The following SEC24B variants were observed in gnomAD, a reference collection of about 807,000 sequenced individuals.
SEC24B encodes SEC24 homolog B, COPII component, also known as protein transport protein Sec24B.
In SEC24B, 45 loss-of-function variants were observed where a neutral mutation model predicts 142.8. The observed-to-expected ratio is 0.32, with a 90% CI of 0.25 to 0.40. SEC24B has a LOEUF of 0.40. Among genes scored for constraint, SEC24B ranks in the 10% least tolerant of loss-of-function variants. SEC24B has a pLI of 1.00. For synonymous variants in SEC24B, 574 were observed against 568.2 expected (o/e 1.01, Z -0.15); for missense variants, 1,409 against 1,526.8 (o/e 0.92, Z 1.29).
At chr4:109,441,269 A>G (rs1728903300) in intron 1 of SEC24B, among the ~76,000 whole-genome samples, 2 of 152,140 alleles carry the variant, frequency 1.3e-5, no homozygotes, top group Admixed American at 6.5e-5. Context: ...CTCCTTACCA[A>G]CGATTTGAAT....
At chr4:109,515,276 A>G (rs1214253883) in intron 10 of SEC24B, among the ~76,000 whole-genome samples, 3 of 151,684 alleles carry the variant, frequency 2.0e-5, no homozygotes, top group Non-Finnish European at 2.9e-5. Flanking sequence ...AATTTTTTGT[A>G]TTTTTAAGTA....
intron 4 of SEC24B, among the ~76,000 whole-genome samples, chr4:109,489,623 A>AATATATATGGTATATATATG (rs976539096): frequency 2.5e-4 from 37 of 146,498 alleles, no homozygotes; most frequent in Non-Finnish European, 4.6e-4. Context: ...TATATATTAT[A>AATATATATGGTATATATATG]ATATATATGG....
rs552120145 is a variant in SEC24B, at chr4:109,464,679, T to G, written c.877+1035T>G. Among the ~76,000 whole-genome samples, 3 of 152,316 alleles carry G rather than the reference T, an allele frequency of 2.0e-5. No homozygotes were observed. The East Asian group carries it at 5.8e-4, about 29-fold the overall frequency. On this transcript the variant is annotated intron_variant, in intron 2 of 23. Transcript: ENST00000265175. ...TGTGGTAACTTTTGGAATGATGCCT[T>G]TAGATTGTGTATCATTATCTGGATA...
intron 1 of SEC24B, among the ~76,000 whole-genome samples, chr4:109,452,593 C>T (rs376140769): frequency 1.1e-4 from 17 of 152,288 alleles, no homozygotes; most frequent in East Asian, 3.9e-4. Context: ...TTGATATTTT[C>T]GGTTTTTGAT....
In SEC24B at chr4:109,513,791, G is replaced by A. The variant is rs761462148; in HGVS notation, c.1948G>A (p.Glu650Lys). The change falls in exon 10 of 24, where the codon GAG becomes AAG. Residue 650 changes from glutamate to lysine, a missense_variant. Glu to Lys is a moderately conservative substitution (Grantham distance 56, BLOSUM62 1). Around this residue, in one of 2 missense-constraint regions of SEC24B, gnomAD observed 700 missense variants for 853.3 expected, o/e 0.82. Coordinates refer to ENST00000265175, the MANE Select transcript of SEC24B (RefSeq NM_006323.5). ...MYNPLTRSYG[E>K]PHKRPEVQNS... ...TAACCCCCTTACCCGATCTTATGGA[G>A]AGCCTCATAAACGACCAGAAGTTCA... 1.2e-5 allele frequency: 20 copies of A among 1,613,208 alleles called. No individual in the cohort carries two copies. The highest frequency in any genetic ancestry group is 1.5e-5 in the Non-Finnish European group (18 of 1,179,424).
chr4:109,448,903 G>A (rs1729756674), intron 1 of SEC24B, among the ~76,000 whole-genome samples: 1 of 150,654 alleles, frequency 6.6e-6, no homozygotes, highest in African/African-American at 2.4e-5. Context: ...TGTCTCATTA[G>A]CCTGTAGTCT....
intron 1 of SEC24B, among the ~76,000 whole-genome samples, chr4:109,462,533 A>C (rs1371116463): frequency 6.6e-6 from 1 of 152,148 alleles, no homozygotes; most frequent in African/African-American, 2.4e-5. Context: ...GGGCTTCTTC[A>C]TAGGGCTGTT....
intron 6 of SEC24B, among the ~76,000 whole-genome samples, chr4:109,499,639 A>C (rs6841198): frequency 0.31 from 46,940 of 152,150 alleles, 12,101 homozygotes; most frequent in African/African-American, 0.71. Context: ...ATTCCTGTCA[A>C]CTATTGACTT....
At chr4:109,520,687 G>A (rs1723509818) in intron 12 of SEC24B, among the ~76,000 whole-genome samples, 1 of 152,140 alleles carries the variant, frequency 6.6e-6, no homozygotes, top group Non-Finnish European at 1.5e-5. Context: ...TATACAGAGT[G>A]TGTATATTTA....
At position 109,532,662 on chromosome 4, in the gene SEC24B, G is replaced by A; in HGVS notation, c.3414G>A (p.Arg1138=). The stretch of plus-strand genomic sequence containing the variant: ...AGGGTGCAGTACATGTTAATGACAG[G>A]ATTGTACCACAGCCACCTCTTCAAA... ...TDEGAVHVND[R]IVPQPPLQKL... Residue 1138 remains arginine (R), a synonymous_variant, in exon 21 of 24, where the codon AGG becomes AGA. Coordinates refer to ENST00000265175, the MANE Select transcript of SEC24B (RefSeq NM_006323.5). The A allele has an allele frequency of 6.2e-7, 1 of 1,613,484 alleles. No homozygotes were observed. Among genetic ancestry groups the A allele is most frequent in the Non-Finnish European group, 8.5e-7 (1 of 1,179,494 alleles).
chr4:109,524,712 C>A, intron 14 of SEC24B, 106 bp from the exon 15 acceptor site: 1 of 977,760 alleles, frequency 1.0e-6, no homozygotes, highest in Admixed American at 2.7e-5. Flanking sequence ...ATTTAGAAAA[C>A]TCTTAGTTTG....
chr4:109,494,689 C>CCAGCTT lies in SEC24B; in HGVS notation c.1327_1332dup (p.Ser443_Ala444dup), dbSNP rs1561134009. 3.7e-6 allele frequency: 6 copies of CCAGCTT among 1,613,848 alleles called. No homozygotes were observed. Among genetic ancestry groups the CCAGCTT allele is most frequent in the Middle Eastern group, 1.6e-4 (1 of 6,084 alleles). On this transcript the variant is annotated inframe_insertion, in exon 6 of 24. Coordinates refer to ENST00000265175, the MANE Select transcript of SEC24B (RefSeq NM_006323.5). The stretch of plus-strand genomic sequence containing the variant: ...ACCTGATCCTGCTTCTGCTCCAGCT[C>CCAGCTT]CAGCTTCAGCTCCAGCTCCTGTCGT...
At chr4:109,472,876 T>G in intron 2 of SEC24B, 128 bp from the exon 3 acceptor site, 1 of 299,792 alleles carries the variant, frequency 3.3e-6, no homozygotes, top group Non-Finnish European at 5.6e-6. Context: ...AACTATTTTG[T>G]TAGTGATATA....
Position 109,476,381 on chromosome 4 carries a change from T to C in SEC24B, c.1060+3195T>C, listed in dbSNP as rs567483576. Among the ~76,000 whole-genome samples, 5 of 152,362 alleles carry C rather than the reference T, an allele frequency of 3.3e-5. No individual in the cohort carries two copies. In the South Asian group the frequency reaches 1.0e-3, roughly 32 times the overall value. ...ATGTGAAGTACGTTTTTATTGGAAA[T>C]ACATCTTTCAGTGAAATGAATGGGC... On this transcript the variant is annotated intron_variant, in intron 3 of 23. Transcript: ENST00000265175.
chr4:109,504,631 A>G (rs1162847313), intron 6 of SEC24B, among the ~76,000 whole-genome samples: 1 of 152,172 alleles, frequency 6.6e-6, no homozygotes, highest in African/African-American at 2.4e-5. Flanking sequence ...TTGGTGATGT[A>G]CACTTCAAAA....
intron 1 of SEC24B, among the ~76,000 whole-genome samples, chr4:109,461,946 A>G (rs1343045126): frequency 6.6e-6 from 1 of 152,098 alleles, no homozygotes; most frequent in Non-Finnish European, 1.5e-5. Flanking sequence ...TGTCTCTACA[A>G]GAAAATAAAT....
Position 109,510,087 on chromosome 4 carries a change from G to A in SEC24B, c.1752G>A (p.Leu584=). The part of the protein sequence containing the change: ...LNKAKLPLGL[L]LHPFRDLTQL... ...AAGCTAAGCTTCCTTTAGGATTGTT[G>A]TTACATCCCTTCAGAGACCTAACGG... Residue 584 remains leucine (L), a synonymous_variant, in exon 8 of 24, where the codon TTG becomes TTA. Transcript: ENST00000265175. 6.2e-7 allele frequency: 1 copy of A among 1,604,376 alleles called. No individual in the cohort carries two copies. Among genetic ancestry groups the A allele is most frequent in the Non-Finnish European group, 8.5e-7 (1 of 1,174,024 alleles).
intron 3 of SEC24B, among the ~76,000 whole-genome samples, chr4:109,477,853 A>AT (rs1230147882): frequency 6.6e-6 from 1 of 152,192 alleles, no homozygotes. Flanking sequence ...AATTGACTAT[A>AT]TTTTATCATG....
At chr4:109,537,861 A>G (rs190615202) in intron 22 of SEC24B, among the ~76,000 whole-genome samples, 2 of 152,282 alleles carry the variant, frequency 1.3e-5, no homozygotes, top group African/African-American at 4.8e-5. Flanking sequence ...AAATTTTGTT[A>G]TATACTACAT....
Sources: gnomAD v4.1 joint callset for allele counts (sites outside exome capture counted in the v4.1 genomes callset) on GRCh38, gnomAD v4.1.1 for gene constraint, gnomAD v4.1.1 regional missense constraint, MANE v1.5 for transcripts, NCBI Gene and HGNC (gene_info 2026-07-23, HGNC 2026-07-21) for gene names.